The following KCNQ1 variants were observed in gnomAD, a reference collection of about 807,000 sequenced individuals.
KCNQ1 encodes the protein potassium voltage-gated channel subfamily KQT member 1.
KCNQ1 carries 49 observed loss-of-function variants against 72.4 expected under a neutral mutation model. That is an observed-to-expected ratio of 0.68 (90% CI 0.54 to 0.86). KCNQ1 has a LOEUF of 0.86. Ranked by LOEUF, KCNQ1 falls within the 40% of genes least tolerant of loss-of-function variation. KCNQ1 has a pLI of 0.00. For synonymous variants in KCNQ1, 450 were observed against 412.6 expected, an observed-to-expected ratio of 1.09 and a Z score of -1.10; for missense variants, 790 against 945.1, an observed-to-expected ratio of 0.84 and a Z score of 2.15.
At chr11:2,700,106 C>T (rs1214630517) in intron 11 of KCNQ1, 2 of 397,616 alleles carry the variant, frequency 5.0e-6, no homozygotes, top group Non-Finnish European at 8.9e-6. Flanking sequence ...GGCTGCTGCA[C>T]GGATTGGCTG....
chr11:2,777,634 C>T (rs558596281), intron 14 of KCNQ1: 2 of 586,832 alleles, frequency 3.4e-6, no homozygotes, highest in South Asian at 4.3e-5. Context: ...TGGCTGTGCC[C>T]CCAGCCTGGA....
chr11:2,834,631 G>A lies in KCNQ1; in HGVS notation c.1795-13136G>A, dbSNP rs372876802. On this transcript the variant is annotated intron_variant, in intron 15 of 15. Transcript: ENST00000155840. ...CAGAGGCAGGGAGGCGCTTGATGTC[G>A]GATGGAGAAAGGACAGGGGAGGGGT... 5.2e-4 allele frequency among the ~76,000 whole-genome samples: 79 copies of A among 152,340 alleles called. No individual in the cohort carries two copies. In the Middle Eastern group the frequency reaches 0.014, roughly 26 times the overall value.
At chr11:2,733,329 G>T (rs1371417247) in intron 11 of KCNQ1, among the ~76,000 whole-genome samples, 4 of 151,830 alleles carry the variant, frequency 2.6e-5, no homozygotes, top group Non-Finnish European at 5.9e-5. Context: ...CAACACAGGG[G>T]CTCCCCACAC....
intron 15 of KCNQ1, among the ~76,000 whole-genome samples, chr11:2,833,405 T>G (rs73421344): frequency 0.012 from 1,784 of 152,208 alleles, 35 homozygotes; most frequent in African/African-American, 0.041. Flanking sequence ...CAGAGCCCCT[T>G]GGGACCTCTG....
In KCNQ1 at chr11:2,826,393, C is replaced by T. The variant is rs1347557674; in HGVS notation, c.1795-21374C>T. Among the ~76,000 whole-genome samples the T allele has an allele frequency of 2.6e-5, 4 of 152,250 alleles. No individual in the cohort carries two copies. The highest frequency in any genetic ancestry group is 4.4e-5 in the Non-Finnish European group (3 of 68,042). ...ACCAGGCCAGCTGGGGGTCAGAACC[C>T]GCGGCCAGGCCCAGCAGCCGCCTCT... is the stretch of plus-strand genomic sequence containing the variant. On this transcript the variant is annotated intron_variant, in intron 15 of 15. Transcript: ENST00000155840. This position sits in a 1 kb window ranked among gnomAD's most constrained non-coding sequence, Gnocchi z 4.2.
chr11:2,581,318 C>CA (rs58226216), intron 6 of KCNQ1, among the ~76,000 whole-genome samples: 1 of 152,240 alleles, frequency 6.6e-6, no homozygotes, highest in East Asian at 1.9e-4. Flanking sequence ...AGTCACTCCC[C>CA]AGGGCAGGAC....
In KCNQ1 at chr11:2,712,952, G is replaced by A. The variant is rs1417498160; in HGVS notation, c.1514+50871G>A. Among the ~76,000 whole-genome samples, 1 of 152,158 alleles carries A rather than the reference G, an allele frequency of 6.6e-6. No individual in the cohort carries two copies. The highest frequency in any genetic ancestry group is 1.5e-5 in the Non-Finnish European group (1 of 68,024). On this transcript the variant is annotated intron_variant, in intron 11 of 15. Coordinates refer to ENST00000155840, the MANE Select transcript of KCNQ1 (RefSeq NM_000218.3). This position sits in a 1 kb window ranked among gnomAD's most constrained non-coding sequence, Gnocchi z 6.4. ...CAGCTCCCTGGAAGACACCCGGGTT[G>A]TAAACAGGGTGGGGCAGGGGTCCTG...
intron 2 of KCNQ1, among the ~76,000 whole-genome samples, chr11:2,560,160 G>A (rs1246599773): frequency 1.7e-5 from 2 of 117,930 alleles, no homozygotes; most frequent in Admixed American, 8.0e-5. Flanking sequence ...CCAGGGGAAT[G>A]AGGGGGGTGA....
chr11:2,819,488 G>T (rs1463897449), intron 15 of KCNQ1, among the ~76,000 whole-genome samples: 1 of 152,248 alleles, frequency 6.6e-6, no homozygotes, highest in African/African-American at 2.4e-5. Flanking sequence ...TCCTGACATT[G>T]AACCTTCCTT....
At chr11:2,736,546 C>T (rs1845959763) in intron 11 of KCNQ1, among the ~76,000 whole-genome samples, 1 of 152,256 alleles carries the variant, frequency 6.6e-6, no homozygotes, top group South Asian at 2.1e-4. Context: ...TAGGAGGGGG[C>T]TTTGGAGCTG....
rs1238644876 is a variant in KCNQ1, at chr11:2,659,874, T to C, written c.1394-2087T>C. The C allele has an allele frequency of 2.5e-6, 1 of 398,354 alleles. No individual in the cohort carries two copies. Among genetic ancestry groups the C allele is most frequent in the Non-Finnish European group, 4.4e-6 (1 of 225,990 alleles). The allele number at this position is 398,354 out of a possible 1,614,324, so 24.7% of individuals were successfully genotyped here. On this transcript the variant is annotated intron_variant, in intron 10 of 15. Coordinates refer to ENST00000155840, the MANE Select transcript of KCNQ1 (RefSeq NM_000218.3). The surrounding 1 kb of genome is among the most constrained non-coding windows in gnomAD (Gnocchi z 4.3). The stretch of plus-strand genomic sequence containing the variant: ...TTTTCATGTGCTTATTTATAATCCA[T>C]TTTTAAAATTGGATTGTTCACTTTA...
intron 1 of KCNQ1, among the ~76,000 whole-genome samples, chr11:2,500,358 T>G (rs980743650): frequency 1.3e-5 from 2 of 152,160 alleles, no homozygotes; most frequent in African/African-American, 4.8e-5. Context: ...TGGCGATCAT[T>G]AAAAAATCAG....
intron 7 of KCNQ1, among the ~76,000 whole-genome samples, 185 bp from the exon 8 acceptor site, chr11:2,585,027 G>T (rs1348202147): frequency 1.3e-5 from 2 of 152,210 alleles, no homozygotes; most frequent in African/African-American, 4.8e-5. Context: ...AAGACCTGGG[G>T]TATAAGTTCT....
At chr11:2,631,195 C>T in intron 10 of KCNQ1, 1 of 398,508 alleles carries the variant, frequency 2.5e-6, no homozygotes, top group Non-Finnish European at 4.4e-6. Flanking sequence ...TACCTCTCTA[C>T]TTTCCTTCTA....
In KCNQ1 at chr11:2,475,080, G is replaced by A. The variant is rs556856660; in HGVS notation, c.386+29596G>A. On this transcript the variant is annotated intron_variant, in intron 1 of 15. Coordinates refer to ENST00000155840, the MANE Select transcript of KCNQ1 (RefSeq NM_000218.3). The surrounding 1 kb of genome is among the most constrained non-coding windows in gnomAD (Gnocchi z 5.8). ...GGTTTACTCGCAGTGCTAGGCGTCC[G>A]ACACGTCTTTCTAATTCCTGAACAT... Among the ~76,000 whole-genome samples the A allele has an allele frequency of 1.8e-4, 27 of 152,258 alleles. No individual in the cohort carries two copies. The highest frequency in any genetic ancestry group is 6.0e-4 in the African/African-American group (25 of 41,546).
chr11:2,661,544 C>CT lies in KCNQ1; in HGVS notation c.1394-416dup. 1 of 504,598 alleles carries CT rather than the reference C, an allele frequency of 2.0e-6. No individual in the cohort carries two copies. Among genetic ancestry groups the CT allele is most frequent in the Non-Finnish European group, 3.5e-6 (1 of 286,622 alleles). 31.3% of individuals were successfully genotyped at this position (504,598 alleles called of 1,614,324 possible). ...ACCCCATCTTTCCTGACCCACTACT[C>CT]TGTCAATGTATGAGTGTGACAATGT... On this transcript the variant is annotated intron_variant, in intron 10 of 15. Transcript: ENST00000155840. The surrounding 1 kb of genome is among the most constrained non-coding windows in gnomAD (Gnocchi z 5.9).
At position 2,592,914 on chromosome 11, in the gene KCNQ1, C is replaced by T. The variant is rs756721860; in HGVS notation, c.1393+4060C>T. ...GGCCATGCTGCCTCGCTGTCCCTGC[C>T]TCAGAGCCACTGTATTCACTCTGCC... On this transcript the variant is annotated intron_variant, in intron 10 of 15. Coordinates refer to ENST00000155840, the MANE Select transcript of KCNQ1 (RefSeq NM_000218.3). The surrounding 1 kb of genome is among the most constrained non-coding windows in gnomAD (Gnocchi z 5.2). Among the ~76,000 whole-genome samples the T allele has an allele frequency of 9.9e-5, 15 of 152,184 alleles. No homozygotes were observed. The highest frequency in any genetic ancestry group is 7.2e-4 in the Admixed American group (11 of 15,284).
Position 2,486,566 on chromosome 11 carries a change from A to G in KCNQ1, c.386+41082A>G, listed in dbSNP as rs1846743564. On this transcript the variant is annotated intron_variant, in intron 1 of 15. Coordinates refer to ENST00000155840, the MANE Select transcript of KCNQ1 (RefSeq NM_000218.3). The surrounding 1 kb of genome is among the most constrained non-coding windows in gnomAD (Gnocchi z 5.0). ...TGGTCTTTGTGTTAGTCCATTTAGC[A>G]TTGCTATAAAGGAATACCTGAGGCT... Among the ~76,000 whole-genome samples, 1 of 152,138 alleles carries G rather than the reference A, an allele frequency of 6.6e-6. No individual in the cohort carries two copies. The highest frequency in any genetic ancestry group is 1.5e-5 in the Non-Finnish European group (1 of 68,026).
intron 10 of KCNQ1, chr11:2,625,817 C>A (rs574213495): frequency 2.5e-6 from 1 of 398,358 alleles, no homozygotes; most frequent in African/African-American, 2.1e-5. Flanking sequence ...GATCCTCCCG[C>A]CTCAGCCTCC....
Sources: allele counts gnomAD v4.1 joint callset (sites outside exome capture counted in the v4.1 genomes callset), GRCh38; gene constraint gnomAD v4.1.1; non-coding constraint Gnocchi (gnomAD v3.1); transcripts MANE v1.5; gene names NCBI Gene and HGNC (gene_info 2026-07-23, HGNC 2026-07-21).